The following MTRF1L variants were observed in gnomAD, a reference collection of about 807,000 sequenced individuals.
The protein encoded by MTRF1L is peptide chain release factor 1-like, mitochondrial.
Under a neutral mutation model 40.0 loss-of-function variants are expected in MTRF1L, and 29 were observed. That is an observed-to-expected ratio of 0.73 (90% CI 0.54 to 0.99). The LOEUF is 0.99. MTRF1L is among the 50% of genes least tolerant of loss of function. The probability of loss-of-function intolerance (pLI) is 0.00; values close to 1 mark genes in which losing one functional copy is unlikely to be tolerated. For missense variants in MTRF1L, 412 were observed against 464.5 expected (o/e 0.89, Z 1.04); for synonymous variants, 150 against 175.8 (o/e 0.85, Z 1.16).
Position 152,995,271 on chromosome 6 carries a change from T to C in MTRF1L, c.388A>G (p.Ile130Val). Residue 130 changes from isoleucine to valine, a missense_variant, in exon 3 of 7, where the codon ATC (isoleucine) becomes GTC (valine). Physicochemically the swap from Ile to Val is conservative, Grantham distance 29 (BLOSUM62 3). Transcript: ENST00000367233. ...CCAACTCCTGCAGTTACTTCCAGGA[T>C]CAAATCATTTTCATCTGTTTCTTCT... ...PSEETDENDL[I>V]LEVTAGVGGQ... is the part of the protein sequence containing the mutation. 6.2e-7 allele frequency: 1 copy of C among 1,605,988 alleles called. No homozygotes were observed. The highest frequency in any genetic ancestry group is 8.5e-7 in the Non-Finnish European group (1 of 1,176,748).
chr6:153,002,377 G>C (rs1778951528), intron 1 of MTRF1L, 50 bp downstream of exon 1: 4 of 1,613,464 alleles, frequency 2.5e-6, no homozygotes, highest in East Asian at 4.5e-5. Context: ...AAAGTCAAAC[G>C]AAGAGTCAAG....
chr6:152,995,773 G>C (rs1240948231), intron 2 of MTRF1L, among the ~76,000 whole-genome samples: 3 of 152,168 alleles, frequency 2.0e-5, no homozygotes, highest in Non-Finnish European at 4.4e-5. Flanking sequence ...TATTATGGAA[G>C]AGAAACTTGT....
At chr6:152,991,504 A>AT in intron 5 of MTRF1L, 183 bp from the exon 6 acceptor site, 3 of 663,696 alleles carry the variant, frequency 4.5e-6, no homozygotes, top group Non-Finnish European at 6.8e-6. Flanking sequence ...AAAACTGAAA[A>AT]TTTAAGTTTT....
Position 152,992,874 on chromosome 6 carries a change from A to G in MTRF1L, c.788T>C (p.Ile263Thr), listed in dbSNP as rs752630363. 28 of 1,611,522 alleles carry G rather than the reference A, an allele frequency of 1.7e-5. No homozygotes were observed. Among genetic ancestry groups the G allele is most frequent in the Non-Finnish European group, 2.3e-5 (27 of 1,179,466 alleles). Residue 263 changes from isoleucine to threonine, a missense_variant, in exon 5 of 7, where the codon ATA (isoleucine) becomes ACA (threonine). Coordinates refer to ENST00000367233, the MANE Select transcript of MTRF1L (RefSeq NM_019041.7). ...GTACACACCTGTTGGAAGATGAACTATCCGGACAGCACTGTCCGTGGTATT... is the reference window on the plus strand; with the variant it reads ...GTACACACCTGTTGGAAGATGAACTGTCCGGACAGCACTGTCCGTGGTATT... ...HVNTTDSAVRIVHLPTGVVSE... is the reference protein window; with the variant it reads ...HVNTTDSAVRTVHLPTGVVSE...
intron 5 of MTRF1L, among the ~76,000 whole-genome samples, chr6:152,992,440 G>T (rs767873665): frequency 3.8e-4 from 58 of 152,236 alleles, no homozygotes; most frequent in Non-Finnish European, 6.6e-4. Context: ...CTGAGTAGGA[G>T]GTCCAATGCT....
chr6:152,997,988 A>G (rs1216561621), intron 2 of MTRF1L, among the ~76,000 whole-genome samples: 1 of 152,082 alleles, frequency 6.6e-6, no homozygotes, highest in East Asian at 1.9e-4. Flanking sequence ...ATGCTGGTAT[A>G]TCACCTTTTT....
chr6:152,990,214 G>T, intron 6 of MTRF1L, 119 bp from the exon 7 acceptor site: 2 of 1,343,310 alleles, frequency 1.5e-6, no homozygotes, highest in South Asian at 1.5e-5. Flanking sequence ...CGAGAACCAG[G>T]TTTTAAACAC....
chr6:152,991,567 G>A (rs765628421), intron 5 of MTRF1L, among the ~76,000 whole-genome samples: 2 of 152,024 alleles, frequency 1.3e-5, no homozygotes, highest in Non-Finnish European at 2.9e-5. Flanking sequence ...TTTTGTCTGA[G>A]ATGGAGTCTC....
intron 2 of MTRF1L, among the ~76,000 whole-genome samples, chr6:152,998,015 T>A (rs1023487118): frequency 1.3e-5 from 2 of 152,080 alleles, no homozygotes; most frequent in African/African-American, 4.8e-5. Context: ...CAAAGTGTCT[T>A]GAACTTGATA....
In MTRF1L at chr6:152,995,256, C is replaced by T; in HGVS notation, c.403G>A (p.Ala135Thr). The change falls in exon 3 of 7, where the codon GCA becomes ACA. Residue 135 changes from alanine to threonine, a missense_variant. By Grantham distance (58) the Ala-to-Thr change is moderately conservative (BLOSUM62 0). Coordinates refer to ENST00000367233, the MANE Select transcript of MTRF1L (RefSeq NM_019041.7). The stretch of plus-strand genomic sequence containing the variant: ...ATTGCCTCCTGACCTCCAACTCCTG[C>T]AGTTACTTCCAGGATCAAATCATTT... The part of the protein sequence containing the change: ...DENDLILEVT[A>T]GVGGQEAMLF... 6.2e-7 allele frequency: 1 copy of T among 1,608,082 alleles called. No homozygotes were observed. Among genetic ancestry groups the T allele is most frequent in the Non-Finnish European group, 8.5e-7 (1 of 1,176,524 alleles).
In MTRF1L at chr6:152,997,518, G is replaced by A. The variant is rs139344919; in HGVS notation, c.339+1032C>T. Among the ~76,000 whole-genome samples, 3 of 152,242 alleles carry A rather than the reference G, an allele frequency of 2.0e-5. No homozygotes were observed. In the East Asian group the frequency reaches 5.8e-4, roughly 29 times the overall value. On this transcript the variant is annotated intron_variant, in intron 2 of 6. Transcript: ENST00000367233. ...ATGGCTTTACCAGTATGATCCTGGA[G>A]ACAAAGTACAATCAAAACAATGGCC...
chr6:152,993,508 T>G (rs1778603783), intron 4 of MTRF1L, among the ~76,000 whole-genome samples: 1 of 152,202 alleles, frequency 6.6e-6, no homozygotes, highest in Non-Finnish European at 1.5e-5. Flanking sequence ...TGCTTTGTCC[T>G]AGGAGCCACC....
Position 152,995,715 on chromosome 6 carries a change from G to T in MTRF1L, c.340-396C>A, listed in dbSNP as rs548094938. Among the ~76,000 whole-genome samples the T allele has an allele frequency of 2.6e-4, 39 of 152,268 alleles. No individual in the cohort carries two copies. In the South Asian group the frequency reaches 7.2e-3, roughly 28 times the overall value. On this transcript the variant is annotated intron_variant, in intron 2 of 6. Coordinates refer to ENST00000367233, the MANE Select transcript of MTRF1L (RefSeq NM_019041.7). ...TTGAAAATTAAGGCCTAGTATGGCA[G>T]AAAACCAAAAGCACTCAAAACTACA...
intron 1 of MTRF1L, 130 bp downstream of exon 1, chr6:153,002,297 C>T (rs755333604): frequency 2.9e-6 from 4 of 1,373,710 alleles, no homozygotes; most frequent in Non-Finnish European, 4.1e-6. Context: ...GATGTCCTGA[C>T]CTCTGATCCA....
chr6:152,996,579 C>G (rs1345725607), intron 2 of MTRF1L, among the ~76,000 whole-genome samples: 1 of 152,120 alleles, frequency 6.6e-6, no homozygotes, highest in Non-Finnish European at 1.5e-5. Context: ...AAAATAAGTA[C>G]CCCCTTTCCT....
At position 152,991,328 on chromosome 6, in the gene MTRF1L, A is replaced by G; in HGVS notation, c.806-7T>C. 1.9e-6 allele frequency: 3 copies of G among 1,563,490 alleles called. No individual in the cohort carries two copies. The highest frequency in any genetic ancestry group is 2.6e-6 in the Non-Finnish European group (3 of 1,157,864). On this transcript the variant is annotated splice_region_variant and splice_polypyrimidine_tract_variant and intron_variant, in intron 5 of 6. Coordinates refer to ENST00000367233, the MANE Select transcript of MTRF1L (RefSeq NM_019041.7). ...TGACATTCAGAAACAACACCTGAATAGTGTTACGAGAATTAAAAAGTTTTA... is the reference window on the plus strand; with the variant it reads ...TGACATTCAGAAACAACACCTGAATGGTGTTACGAGAATTAAAAAGTTTTA...
At chr6:153,000,373 C>A (rs1778868291) in intron 1 of MTRF1L, among the ~76,000 whole-genome samples, 1 of 152,192 alleles carries the variant, frequency 6.6e-6, no homozygotes, top group African/African-American at 2.4e-5. Flanking sequence ...TACACTTACA[C>A]ACCTCAATTC....
chr6:152,990,274 C>A, intron 6 of MTRF1L, 179 bp from the exon 7 acceptor site: 1 of 916,820 alleles, frequency 1.1e-6, no homozygotes, highest in Non-Finnish European at 1.6e-6. Flanking sequence ...AGAACACGTG[C>A]TCTAAAATCA....
chr6:152,997,926 A>G lies in MTRF1L; in HGVS notation c.339+624T>C, dbSNP rs375254484. 1.3e-3 allele frequency among the ~76,000 whole-genome samples: 191 copies of G among 152,254 alleles called. 1 individual carries two copies. Among genetic ancestry groups the G allele is most frequent in the African/African-American group, 4.3e-3 (178 of 41,540 alleles). ...TTTAGTTAATAATATAAAAAAGACT[A>G]CATTGACATGGTTAAATTCCCAGGA... On this transcript the variant is annotated intron_variant, in intron 2 of 6. Coordinates refer to ENST00000367233, the MANE Select transcript of MTRF1L (RefSeq NM_019041.7).
Sources: allele counts gnomAD v4.1 joint callset (sites outside exome capture counted in the v4.1 genomes callset), GRCh38; gene constraint gnomAD v4.1.1; transcripts MANE v1.5; gene names NCBI Gene and HGNC (gene_info 2026-07-23, HGNC 2026-07-21).